Variants in ADCY7 observed in about 807,000 individuals in gnomAD.
ADCY7 encodes the protein adenylate cyclase 7, also known as adenylate cyclase type 7.
ADCY7 carries 72 observed loss-of-function variants against 120.6 expected under a neutral mutation model. That is an observed-to-expected ratio of 0.60 (90% CI 0.49 to 0.73). ADCY7 has a LOEUF of 0.73. ADCY7 is among the 30% of genes least tolerant of loss of function. The pLI is 0.00. For missense variants in ADCY7, 1,227 were observed against 1,486.0 expected (o/e 0.83, Z 2.87); for synonymous variants, 661 against 628.0 (o/e 1.05, Z -0.78).
intron 1 of ADCY7, among the ~76,000 whole-genome samples, chr16:50,276,437 A>G (rs2033896534): frequency 6.6e-6 from 1 of 152,138 alleles, no homozygotes; most frequent in African/African-American, 2.4e-5. Context: ...AGACTGGGGC[A>G]TTTTGCGCCA....
rs1167367658 is a variant in ADCY7, at chr16:50,313,964, C to T, written c.2758C>T (p.Leu920=). The stretch of plus-strand genomic sequence containing the variant: ...GCTTCCTTCTTGCCTGCAGCTCCTA[C>T]TGAAGCCCAAGTTCAGCGGCGTGGA... ...EIIADFDELL[L]KPKFSGVEKI... is the part of the protein sequence containing the mutation. Residue 920 remains leucine (L), a synonymous_variant, in exon 23 of 26, where the codon CTG becomes TTG. Coordinates refer to ENST00000673801, the MANE Select transcript of ADCY7 (RefSeq NM_001114.5). The T allele has an allele frequency of 1.2e-6, 2 of 1,613,546 alleles. No individual in the cohort carries two copies. The highest frequency in any genetic ancestry group is 1.7e-6 in the Non-Finnish European group (2 of 1,179,540).
rs907048113 is a variant in ADCY7 at position 50,300,849 on chromosome 16, G to A, written c.1211G>A (p.Arg404Gln). The stretch of plus-strand genomic sequence containing the variant: ...TCCCACGACGTGTCCCTGGCCAACC[G>A]GATGGAGGCAGCCGGAGTACCCGGG... The part of the protein sequence containing the change: ...VWSHDVSLAN[R>Q]MEAAGVPGRV... The change falls in exon 9 of 26, where the codon CGG becomes CAG. Residue 404 changes from arginine (R) to glutamine (Q), a missense_variant. Arg to Gln is a conservative substitution (Grantham distance 43). Around this residue, in one of 5 missense-constraint regions of ADCY7, gnomAD observed 332 missense variants for 455.8 expected, o/e 0.73. Coordinates refer to ENST00000673801, the MANE Select transcript of ADCY7 (RefSeq NM_001114.5). 1.0e-5 allele frequency: 16 copies of A among 1,558,208 alleles called. No individual in the cohort carries two copies. The highest frequency in any genetic ancestry group is 1.7e-4 in the Middle Eastern group (1 of 6,028).
At chr16:50,305,395 C>T in intron 12 of ADCY7, 108 bp from the exon 13 acceptor site, 1 of 960,784 alleles carries the variant, frequency 1.0e-6, no homozygotes, top group Non-Finnish European at 1.6e-6. Context: ...ATTCCTTCAC[C>T]ATCCCACCTG....
At chr16:50,311,204 C>T (rs1030046481) in intron 19 of ADCY7, among the ~76,000 whole-genome samples, 12 of 152,176 alleles carry the variant, frequency 7.9e-5, no homozygotes. Flanking sequence ...TCCATCTCTT[C>T]CTGGACAGGT....
chr16:50,293,331 C>G (rs1316748840), intron 5 of ADCY7, 23 bp from the exon 6 acceptor site: 5 of 1,608,786 alleles, frequency 3.1e-6, no homozygotes, highest in Non-Finnish European at 4.3e-6. Flanking sequence ...GGTCCCTCTG[C>G]TGGTCTGCCC....
At chr16:50,293,526 G>A (rs749253763) in intron 6 of ADCY7, 24 bp downstream of exon 6, 1 of 1,611,888 alleles carries the variant, frequency 6.2e-7, no homozygotes, top group Non-Finnish European at 8.5e-7. Context: ...CGTGTGATTA[G>A]CATATCCCGG....
upstream of ADCY7, among the ~76,000 whole-genome samples, chr16:50,265,534 A>C (rs747557366): frequency 2.0e-5 from 3 of 152,228 alleles, no homozygotes; most frequent in Non-Finnish European, 4.4e-5. Context: ...CGCTGGGGAC[A>C]CAGCTGTTGA....
Position 50,293,490 on chromosome 16 carries a change from A to G in ADCY7, c.824A>G (p.His275Arg), listed in dbSNP as rs761216098. Residue 275 changes from histidine to arginine, a missense_variant, in exon 6 of 26, where the codon CAC becomes CGC. By Grantham distance (29) the His-to-Arg change is conservative. Transcript: ENST00000673801. The stretch of plus-strand genomic sequence containing the variant: ...TTCCACAGCCTCTACGTCAAGAGGC[A>G]CCAGAATGTCAGGTGGGCGGTGAGA... ...NNFHSLYVKR[H>R]QNVSILYADI... 14 of 1,613,936 alleles carry G rather than the reference A, an allele frequency of 8.7e-6. No individual in the cohort carries two copies. The highest frequency in any genetic ancestry group is 1.2e-5 in the Non-Finnish European group (14 of 1,179,988).
intron 1 of ADCY7, among the ~76,000 whole-genome samples, chr16:50,277,979 A>C (rs1027968894): frequency 6.6e-6 from 1 of 151,720 alleles, no homozygotes; most frequent in Non-Finnish European, 1.5e-5. Context: ...CTACCATGGT[A>C]GTTTTAATTT....
chr16:50,255,154 G>A (rs991281640), intron 1 of ADCY7, among the ~76,000 whole-genome samples: 10 of 147,776 alleles, frequency 6.8e-5, no homozygotes, highest in East Asian at 5.9e-4. Flanking sequence ...AAAATTTGCC[G>A]AGTGTGGTGG....
chr16:50,301,618 C>T (rs866280840), intron 10 of ADCY7: 1 of 205,870 alleles, frequency 4.9e-6, no homozygotes, highest in African/African-American at 2.3e-5. Flanking sequence ...AGGGAGTGGC[C>T]TGGGAGCCAC....
chr16:50,266,119 G>T (rs1272912861), upstream of ADCY7, among the ~76,000 whole-genome samples: 5 of 152,166 alleles, frequency 3.3e-5, no homozygotes. Context: ...CCTCTCAGAG[G>T]TGGACGGGGC....
At chr16:50,309,323 C>T (rs112346465) in intron 17 of ADCY7, 49 of 502,492 alleles carry the variant, frequency 9.8e-5, no homozygotes, top group African/African-American at 5.1e-4. Flanking sequence ...TGGCTGCTGC[C>T]GCTCTGGGGG....
At chr16:50,304,225 A>T in intron 10 of ADCY7, 135 bp from the exon 11 acceptor site, 1 of 933,954 alleles carries the variant, frequency 1.1e-6, no homozygotes, top group Non-Finnish European at 1.4e-6. Context: ...CGGGTTGAGC[A>T]ACTTCTTTGC....
chr16:50,312,709 C>G (rs1385946910), intron 21 of ADCY7, among the ~76,000 whole-genome samples, 181 bp from the exon 22 acceptor site: 1 of 152,118 alleles, frequency 6.6e-6, no homozygotes, highest in Non-Finnish European at 1.5e-5. Flanking sequence ...CCTCCCTGGC[C>G]ACCCAATTCT....
At chr16:50,288,474 T>C (rs916678682) in intron 2 of ADCY7, 124 bp downstream of exon 2, 19 of 1,187,436 alleles carry the variant, frequency 1.6e-5, no homozygotes, top group African/African-American at 1.3e-4. Context: ...TTGTTTGTTT[T>C]GTTTTGTTTT....
intron 1 of ADCY7, among the ~76,000 whole-genome samples, chr16:50,272,848 C>A (rs567649106): frequency 6.6e-6 from 1 of 152,154 alleles, no homozygotes; most frequent in Non-Finnish European, 1.5e-5. Flanking sequence ...AGGAGGAGCC[C>A]TTTTAAGCTG....
chr16:50,290,426 C>G, intron 2 of ADCY7, 31 bp from the exon 3 acceptor site: 1 of 1,612,756 alleles, frequency 6.2e-7, no homozygotes, highest in Non-Finnish European at 8.5e-7. Context: ...TGGGGAAAGC[C>G]GAGGCATTCC....
At chr16:50,314,427 G>T (rs191659239) in intron 24 of ADCY7, 21 bp downstream of exon 24, 2 of 1,598,362 alleles carry the variant, frequency 1.3e-6, no homozygotes, top group Admixed American at 1.7e-5. Flanking sequence ...GTGATGGAGC[G>T]GGGTGGGGAG....
Sources: allele counts gnomAD v4.1 joint callset (sites outside exome capture counted in the v4.1 genomes callset), GRCh38; gene constraint gnomAD v4.1.1; regional missense constraint gnomAD v4.1.1; transcripts MANE v1.5; gene names NCBI Gene and HGNC (gene_info 2026-07-23, HGNC 2026-07-21).